Variants in FAM149A observed in about 807,000 individuals in gnomAD.
FAM149A encodes the protein protein FAM149A.
Under a neutral mutation model 78.2 loss-of-function variants are expected in FAM149A, and 71 were observed. That is an observed-to-expected ratio of 0.91 (90% CI 0.75 to 1.11). FAM149A has a LOEUF of 1.11. Among genes scored for constraint, FAM149A ranks in the 50% least tolerant of loss-of-function variants. The pLI is 0.00. For synonymous variants in FAM149A, 446 were observed against 410.5 expected, an observed-to-expected ratio of 1.09 and a Z score of -1.04; for missense variants, 1,036 against 971.0, an observed-to-expected ratio of 1.07 and a Z score of -0.89.
intron 1 of FAM149A, 137 bp downstream of exon 1, chr4:186,105,779 C>T (rs1561380243): frequency 7.7e-6 from 4 of 520,354 alleles, no homozygotes; most frequent in Non-Finnish European, 1.0e-5. Flanking sequence ...TGGGCACCCT[C>T]CTTGCACGTT....
At chr4:186,163,716 A>G in intron 10 of FAM149A, 83 bp downstream of exon 10, 1 of 995,516 alleles carries the variant, frequency 1.0e-6, no homozygotes, top group Non-Finnish European at 1.6e-6. Flanking sequence ...ATCATCCTGG[A>G]CAAAGCATCC....
chr4:186,157,486 C>G (rs988039427), intron 7 of FAM149A, 79 bp from the exon 8 acceptor site: 83 of 1,438,466 alleles, frequency 5.8e-5, no homozygotes, highest in Middle Eastern at 5.4e-4. Flanking sequence ...CACACATATT[C>G]TCTTTCAAGA....
intron 1 of FAM149A, among the ~76,000 whole-genome samples, chr4:186,142,765 G>A (rs1219264158): frequency 7.9e-5 from 12 of 152,078 alleles, no homozygotes; most frequent in Admixed American, 7.9e-4. Flanking sequence ...CCTTCTTAGA[G>A]CCTCCACACC....
chr4:186,147,739 C>A (rs1733174035), intron 1 of FAM149A, among the ~76,000 whole-genome samples: 1 of 152,014 alleles, frequency 6.6e-6, no homozygotes, highest in Non-Finnish European at 1.5e-5. Context: ...TGTATGTTTA[C>A]CTAAAAAGTT....
chr4:186,109,844 T>A (rs13114086), intron 1 of FAM149A: 223,877 of 984,676 alleles, frequency 0.23, 26,067 homozygotes, highest in Middle Eastern at 0.3. Context: ...GAACAAATTA[T>A]AGTACATGCC....
chr4:186,158,854 C>T (rs1347586033), intron 8 of FAM149A: 4 of 958,484 alleles, frequency 4.2e-6, no homozygotes, highest in African/African-American at 1.8e-5. Flanking sequence ...TCAAGCTGTT[C>T]TTCCACAGGC....
In FAM149A at chr4:186,105,508, G is replaced by A; in HGVS notation, c.432G>A (p.Pro144=). 3 of 1,172,804 alleles carry A rather than the reference G, an allele frequency of 2.6e-6. No homozygotes were observed. Among genetic ancestry groups the A allele is most frequent in the Admixed American group, 4.3e-5 (1 of 23,102 alleles). The allele number at this position is 1,172,804 out of a possible 1,614,324, so 72.6% of individuals were successfully genotyped here. A position where few individuals can be genotyped will look rare whatever the true frequency, so the allele number is the denominator to read the frequency against. The change falls in exon 1 of 14, where the codon CCG becomes CCA. Residue 144 remains proline, a synonymous_variant. Transcript: ENST00000389354. Reference sequence around the variant, plus strand: ...TCTGGGCCGCGCTCCCCAGGAACCCGCTCCAGCCTGGCCCCGGAGAGCGAG... The same window carrying A: ...TCTGGGCCGCGCTCCCCAGGAACCCACTCCAGCCTGGCCCCGGAGAGCGAG...
In FAM149A at chr4:186,104,998, C is replaced by CG; in HGVS notation, c.-77dup. The CG allele has an allele frequency of 8.1e-7, 1 of 1,231,144 alleles. No individual in the cohort carries two copies. Among genetic ancestry groups the CG allele is most frequent in the South Asian group, 1.4e-5 (1 of 73,930 alleles). 76.3% of individuals were successfully genotyped at this position (1,231,144 alleles called of 1,614,324 possible). A position where few individuals can be genotyped will look rare whatever the true frequency, so the allele number is the denominator to read the frequency against. ...TGCGGGGACCTCAGGCTCCTCGCCC[C>CG]GGCCCGGGCCGCCTCGGCCGGATCT... On this transcript the variant is annotated 5_prime_UTR_variant, in exon 1 of 14. Coordinates refer to ENST00000389354, the MANE Select transcript of FAM149A (RefSeq NM_001367768.3).
intron 1 of FAM149A, 60 bp downstream of exon 1, chr4:186,105,702 C>T: frequency 2.0e-6 from 2 of 1,006,816 alleles, no homozygotes; most frequent in Non-Finnish European, 2.4e-6. Flanking sequence ...ACCCCTCCGC[C>T]TGCCGCACTC....
chr4:186,135,237 C>T (rs138111155), intron 1 of FAM149A, among the ~76,000 whole-genome samples: 7 of 152,306 alleles, frequency 4.6e-5, no homozygotes, highest in African/African-American at 1.2e-4. Context: ...TCTACTCTCA[C>T]GTTTTTTACT....
intron 13 of FAM149A, among the ~76,000 whole-genome samples, chr4:186,170,635 G>A (rs1345722667): frequency 1.3e-5 from 2 of 152,200 alleles, no homozygotes; most frequent in African/African-American, 4.8e-5. Context: ...CGCAGAGCAG[G>A]CAGGGCCCCC....
chr4:186,129,870 T>C (rs2099319848), intron 1 of FAM149A, among the ~76,000 whole-genome samples: 1 of 152,240 alleles, frequency 6.6e-6, no homozygotes, highest in African/African-American at 2.4e-5. Flanking sequence ...TGATGTATCT[T>C]GTATTAGACC....
chr4:186,157,723 G>C lies in FAM149A; in HGVS notation c.1575+4G>C, dbSNP rs747565181. The C allele has an allele frequency of 3.7e-6, 6 of 1,602,832 alleles. No individual in the cohort carries two copies. The African/African-American group carries it at 8.0e-5, about 21-fold the overall frequency. ...TTCTCGTCTGAACCCGCCCCAGGTC[G>C]GTGCTTTCACACCCTTCTCCCTCTT... On this transcript the variant is annotated splice_donor_region_variant and intron_variant, in intron 8 of 13. Transcript: ENST00000389354.
chr4:186,120,758 C>A (rs1380007533), intron 1 of FAM149A, among the ~76,000 whole-genome samples: 35 of 133,478 alleles, frequency 2.6e-4, no homozygotes, highest in Admixed American at 7.9e-4. Context: ...TGCGCCACTG[C>A]ACTCCAGCCT....
intron 4 of FAM149A, among the ~76,000 whole-genome samples, chr4:186,152,523 T>A (rs1025536803): frequency 7.3e-5 from 11 of 150,074 alleles, no homozygotes; most frequent in African/African-American, 2.5e-4. Flanking sequence ...GAAGGCAAGC[T>A]TTTCTTTTCT....
At chr4:186,122,156 G>A (rs551101978) in intron 1 of FAM149A, among the ~76,000 whole-genome samples, 14 of 152,290 alleles carry the variant, frequency 9.2e-5, no homozygotes, top group African/African-American at 2.9e-4. Context: ...GAAGCTATTC[G>A]TAAAGAAACC....
chr4:186,109,746 C>G, intron 1 of FAM149A: 2 of 978,680 alleles, frequency 2.0e-6, no homozygotes, highest in Non-Finnish European at 2.4e-6. Flanking sequence ...AAGAAACATT[C>G]TAGGTGAAGA....
intron 1 of FAM149A, among the ~76,000 whole-genome samples, chr4:186,126,542 T>C (rs2099318398): frequency 1.3e-5 from 2 of 152,198 alleles, no homozygotes; most frequent in Non-Finnish European, 2.9e-5. Context: ...TCTCTTCTTC[T>C]TGATCTCGGA....
chr4:186,150,327 GTGTTC>G (rs1164452991), intron 3 of FAM149A, among the ~76,000 whole-genome samples: 1 of 150,966 alleles, frequency 6.6e-6, no homozygotes, highest in Non-Finnish European at 1.5e-5. Context: ...AGCACCTTGG[GTGTTC>G]TGTTTTACCT....
Sources: allele counts gnomAD v4.1 joint callset (sites outside exome capture counted in the v4.1 genomes callset), GRCh38; gene constraint gnomAD v4.1.1; transcripts MANE v1.5; gene names NCBI Gene and HGNC (gene_info 2026-07-23, HGNC 2026-07-21).